Variants in PMS1 observed in about 807,000 individuals in gnomAD.
The protein encoded by PMS1 is PMS1 protein homolog 1.
In PMS1, 79 loss-of-function variants were observed where a neutral mutation model predicts 93.1. That is an observed-to-expected ratio of 0.85 (90% CI 0.71 to 1.02). PMS1 has a LOEUF of 1.02. PMS1 is among the 50% of genes least tolerant of loss of function. PMS1 has a pLI of 0.00. For missense variants in PMS1, 1,064 were observed against 1,085.3 expected (o/e 0.98, Z 0.28); for synonymous variants, 335 against 363.4 (o/e 0.92, Z 0.89).
At chr2:189,834,515 TGG>T (rs759137300) in intron 5 of PMS1, among the ~76,000 whole-genome samples, 3 of 152,144 alleles carry the variant, frequency 2.0e-5, no homozygotes, top group Admixed American at 6.5e-5. Flanking sequence ...GTTAAGAATG[TGG>T]AAAATGATCT....
At position 189,864,189 on chromosome 2, in the gene PMS1, C is replaced by T; in HGVS notation, c.2303C>T (p.Pro768Leu). The T allele has an allele frequency of 6.2e-7, 1 of 1,610,000 alleles. No individual in the cohort carries two copies. Among genetic ancestry groups the T allele is most frequent in the East Asian group, 2.2e-5 (1 of 44,818 alleles). The stretch of plus-strand genomic sequence containing the variant: ...AGACTTCTTGAGAATCATAAACTTC[C>T]TGCAGAGCCACTGGAAAAGCCAATT... ...FKRLLENHKL[P>L]AEPLEKPIML... Residue 768 changes from proline (P) to leucine (L), a missense_variant, in exon 10 of 13, where the codon CCT becomes CTT. Transcript: ENST00000441310.
intron 5 of PMS1, among the ~76,000 whole-genome samples, chr2:189,821,325 T>C (rs1053064252): frequency 1.3e-5 from 2 of 151,374 alleles, no homozygotes; most frequent in Admixed American, 6.6e-5. Context: ...CATGGTGGCA[T>C]GCGCCTGTAG....
chr2:189,849,298 A>C (rs1450676378), intron 6 of PMS1, among the ~76,000 whole-genome samples: 1 of 152,110 alleles, frequency 6.6e-6, no homozygotes, highest in Non-Finnish European at 1.5e-5. Context: ...AGTTTATGCT[A>C]AGTTCTGAAT....
In PMS1 at chr2:189,874,539, T is replaced by C. The variant is rs535222793; in HGVS notation, c.2634+883T>C. On this transcript the variant is annotated intron_variant, in intron 12 of 12. Coordinates refer to ENST00000441310, the MANE Select transcript of PMS1 (RefSeq NM_000534.5). ...GCAGGAAAACAATAGTGTTTCCATC[T>C]ATATATCTTGTTCTAGATATCCCTC... is the stretch of plus-strand genomic sequence containing the variant. 3.3e-5 allele frequency among the ~76,000 whole-genome samples: 5 copies of C among 152,370 alleles called. No homozygotes were observed. The South Asian group carries it at 6.2e-4, about 19-fold the overall frequency.
chr2:189,853,993 C>A lies in PMS1; in HGVS notation c.877C>A (p.Pro293Thr). The change falls in exon 8 of 13, where the codon CCT becomes ACT. Residue 293 changes from proline (P) to threonine (T), a missense_variant. Transcript: ENST00000441310. ...KCLKESTRLY[P>T]VFFLKIDVPT... is the part of the protein sequence containing the mutation. ...CCTAAAGGAATCTACTCGTTTGTATCCTGTTTTCTTTCTGAAAATCGATGT... is the reference window on the plus strand; with the variant it reads ...CCTAAAGGAATCTACTCGTTTGTATACTGTTTTCTTTCTGAAAATCGATGT... 1 of 1,608,216 alleles carries A rather than the reference C, an allele frequency of 6.2e-7. No homozygotes were observed. Among genetic ancestry groups the A allele is most frequent in the Non-Finnish European group, 8.5e-7 (1 of 1,176,602 alleles).
chr2:189,808,396 C>T (rs1575092043), intron 4 of PMS1, among the ~76,000 whole-genome samples: 1 of 152,246 alleles, frequency 6.6e-6, no homozygotes, highest in East Asian at 1.9e-4. Flanking sequence ...GGCGTGATCT[C>T]AGCTCAGTGC....
chr2:189,799,099 A>AT (rs1032832511), intron 3 of PMS1, among the ~76,000 whole-genome samples: 93 of 152,118 alleles, frequency 6.1e-4, no homozygotes, highest in African/African-American at 2.1e-3. Context: ...CAAGTTTATC[A>AT]TTTTGTCTTT....
Position 189,873,560 on chromosome 2 carries a change from AG to A in PMS1, c.2539del (p.Val847Ter), listed in dbSNP as rs772445011. On this transcript the variant is annotated frameshift_variant, in exon 12 of 13. Transcript: ENST00000441310. LOFTEE classifies it high-confidence loss of function. ...GMANCLPFYG[V>X]ADLKEILNAI... ...TGGCTAATTGTCTCCCATTCTATGG[AG>A]TAGCAGATTTAAAAGAAATTCTTAA... The A allele has an allele frequency of 1.3e-6, 2 of 1,599,990 alleles. No individual in the cohort carries two copies. The highest frequency in any genetic ancestry group is 4.5e-5 in the East Asian group (2 of 44,790).
intron 9 of PMS1, among the ~76,000 whole-genome samples, chr2:189,859,669 G>T (rs1248140624): frequency 3.3e-5 from 5 of 152,008 alleles, no homozygotes; most frequent in Non-Finnish European, 5.9e-5. Context: ...TCTACCCAGT[G>T]TAATTTTTTT....
chr2:189,816,653 AC>A (rs2051330018), intron 4 of PMS1, among the ~76,000 whole-genome samples: 2 of 152,152 alleles, frequency 1.3e-5, no homozygotes, highest in Admixed American at 1.3e-4. Flanking sequence ...CTTTAAAACT[AC>A]CAGTAATTTC....
chr2:189,788,968 G>C (rs1028132587), intron 1 of PMS1, among the ~76,000 whole-genome samples: 1 of 152,162 alleles, frequency 6.6e-6, no homozygotes, highest in African/African-American at 2.4e-5. Context: ...TTATGATGAT[G>C]GAGTAGCCTA....
chr2:189,852,859 T>A, intron 7 of PMS1, 82 bp downstream of exon 7: 1 of 867,552 alleles, frequency 1.2e-6, no homozygotes, highest in Admixed American at 2.1e-5. Flanking sequence ...GAATTTGCTC[T>A]AAAATAAAAA....
At chr2:189,846,933 C>T (rs939292204) in intron 6 of PMS1, among the ~76,000 whole-genome samples, 3 of 150,856 alleles carry the variant, frequency 2.0e-5, no homozygotes, top group Admixed American at 6.6e-5. Context: ...GCAATCTCGG[C>T]TCACTGAAAC....
chr2:189,824,535 G>C (rs759247254), intron 5 of PMS1, among the ~76,000 whole-genome samples: 2 of 152,006 alleles, frequency 1.3e-5, no homozygotes, highest in Non-Finnish European at 2.9e-5. Flanking sequence ...AGTATTTATA[G>C]TGTACTACAT....
At chr2:189,829,808 T>C (rs982411405) in intron 5 of PMS1, among the ~76,000 whole-genome samples, 5 of 152,228 alleles carry the variant, frequency 3.3e-5, no homozygotes, top group Non-Finnish European at 7.3e-5. Context: ...CGTAGGTCTA[T>C]CTTTAAAATA....
chr2:189,796,294 G>C (rs897065138), intron 3 of PMS1, among the ~76,000 whole-genome samples: 2 of 152,006 alleles, frequency 1.3e-5, no homozygotes, highest in African/African-American at 4.8e-5. Context: ...GGAAACAGAG[G>C]CTGCAGTGAC....
At chr2:189,812,380 G>T (rs1215944823) in intron 4 of PMS1, among the ~76,000 whole-genome samples, 2 of 152,158 alleles carry the variant, frequency 1.3e-5, no homozygotes, top group African/African-American at 4.8e-5. Flanking sequence ...AGTACAAAGT[G>T]AAGGCAATTT....
chr2:189,809,338 G>A (rs192309199), intron 4 of PMS1, among the ~76,000 whole-genome samples: 1 of 151,374 alleles, frequency 6.6e-6, no homozygotes, highest in Non-Finnish European at 1.5e-5. Flanking sequence ...TTTGTAGGAT[G>A]TGCTAAAGTT....
chr2:189,854,640 T>A lies in PMS1; in HGVS notation c.1368T>A (p.Thr456=), dbSNP rs1300662642. 6.2e-7 allele frequency: 1 copy of A among 1,613,876 alleles called. No individual in the cohort carries two copies. Among genetic ancestry groups the A allele is most frequent in the Non-Finnish European group, 8.5e-7 (1 of 1,179,922 alleles). The change falls in exon 9 of 13, where the codon ACT becomes ACA. Residue 456 remains threonine (T), a synonymous_variant. Coordinates refer to ENST00000441310, the MANE Select transcript of PMS1 (RefSeq NM_000534.5). The part of the protein sequence containing the change: ...WENSQTEYSK[T]CFISSVKHTQ... Reference sequence around the variant, plus strand: ...ACTCTCAGACGGAATATAGTAAAACTTGTTTTATAAGTTCCGTTAAGCACA... The same window carrying A: ...ACTCTCAGACGGAATATAGTAAAACATGTTTTATAAGTTCCGTTAAGCACA...
Sources: allele counts gnomAD v4.1 joint callset (sites outside exome capture counted in the v4.1 genomes callset), GRCh38; gene constraint gnomAD v4.1.1; transcripts MANE v1.5; gene names NCBI Gene and HGNC (gene_info 2026-07-23, HGNC 2026-07-21).